Variants in PPM1N observed in about 807,000 individuals in gnomAD.
PPM1N encodes the protein probable protein phosphatase 1N.
In PPM1N, 35 loss-of-function variants were observed where a neutral mutation model predicts 32.6. The observed-to-expected ratio is 1.07, with a 90% CI of 0.82 to 1.43. PPM1N has a LOEUF of 1.43. PPM1N is among the 40% of genes most tolerant of loss of function. The pLI is 0.00. For missense variants in PPM1N, 648 were observed against 606.6 expected, an observed-to-expected ratio of 1.07 and a Z score of -0.72; for synonymous variants, 275 against 270.5, an observed-to-expected ratio of 1.02 and a Z score of -0.16.
At chr19:45,501,539 C>T (rs1968414057) in intron 4 of PPM1N, among the ~76,000 whole-genome samples, 1 of 151,952 alleles carries the variant, frequency 6.6e-6, no homozygotes, top group African/African-American at 2.4e-5. Flanking sequence ...GATGGAAGCC[C>T]AATTCAAGCT....
Position 45,499,404 on chromosome 19 carries a change from T to A in PPM1N, c.932T>A (p.Leu311Gln). Residue 311 changes from leucine (L) to glutamine (Q), a missense_variant, in exon 1 of 5, where the codon CTG (leucine) becomes CAG (glutamine). Leu to Gln is a moderately radical substitution (Grantham distance 113). Transcript: ENST00000451287. The part of the protein sequence containing the change: ...LLCAQLLDTC[L>Q]CKGSLDNMTC... ...TGCGCGCAGCTGTTGGACACGTGTCTGTGCAAGGTCCTGGGGGCGTGGCGT... is the reference window on the plus strand; with the variant it reads ...TGCGCGCAGCTGTTGGACACGTGTCAGTGCAAGGTCCTGGGGGCGTGGCGT... 1 of 1,602,786 alleles carries A rather than the reference T, an allele frequency of 6.2e-7. No individual in the cohort carries two copies. The highest frequency in any genetic ancestry group is 8.5e-7 in the Non-Finnish European group (1 of 1,175,096).
chr19:45,499,455 G>C, intron 1 of PPM1N, 44 bp downstream of exon 1: 1 of 1,599,114 alleles, frequency 6.3e-7, no homozygotes, highest in Non-Finnish European at 8.5e-7. Context: ...TGGTGCAGCA[G>C]AGGGAGAGAG....
Position 45,502,074 on chromosome 19 carries a change from A to T in PPM1N, c.1282A>T (p.Met428Leu). ...CACGCATTTGGGCTCAGCCTTGGAC[A>T]TGGAGGCCTGACAGCTGTTGTCCTT... ...NPTHLGSALD[M>L]EA Residue 428 changes from methionine to leucine, a missense_variant, in exon 5 of 5, where the codon ATG becomes TTG. By Grantham distance (15) the Met-to-Leu change is conservative. Transcript: ENST00000451287. The T allele has an allele frequency of 6.3e-7, 1 of 1,580,912 alleles. No homozygotes were observed. Among genetic ancestry groups the T allele is most frequent in the East Asian group, 2.4e-5 (1 of 41,396 alleles).
chr19:45,499,286 G>C lies in PPM1N; in HGVS notation c.814G>C (p.Ala272Pro), dbSNP rs1428656122. ...GGCTGAGGACGAGTTCATGCTCCTG[G>C]CCTCTGATGGCGTCTGGGACACTGT... ...RQAEDEFMLL[A>P]SDGVWDTVSG... Residue 272 changes from alanine (A) to proline (P), a missense_variant, in exon 1 of 5, where the codon GCC becomes CCC. Transcript: ENST00000451287. 4 of 1,612,752 alleles carry C rather than the reference G, an allele frequency of 2.5e-6. No homozygotes were observed. In the South Asian group the frequency reaches 4.4e-5, roughly 18 times the overall value.
rs1360733747 is a variant in PPM1N, at chr19:45,502,040, G to C, written c.1248G>C (p.Lys416Asn). Reference protein sequence around the residue: ...CGEKGQDGAGKSNPTHLGSAL... With the variant: ...CGEKGQDGAGNSNPTHLGSAL... The stretch of plus-strand genomic sequence containing the variant: ...AGAAGGGGCAGGATGGGGCTGGGAA[G>C]TCCAACCCCACGCATTTGGGCTCAG... The change falls in exon 5 of 5, where the codon AAG becomes AAC. Residue 416 changes from lysine to asparagine, a missense_variant. Physicochemically the swap from Lys to Asn is moderately conservative, Grantham distance 94. Coordinates refer to ENST00000451287, the MANE Select transcript of PPM1N (RefSeq NM_001080401.2). The C allele has an allele frequency of 6.5e-7, 1 of 1,541,160 alleles. No individual in the cohort carries two copies. The highest frequency in any genetic ancestry group is 8.7e-7 in the Non-Finnish European group (1 of 1,152,588).
intron 3 of PPM1N, 26 bp downstream of exon 3, chr19:45,500,587 G>A (rs750479116): frequency 8.2e-6 from 13 of 1,589,218 alleles, no homozygotes; most frequent in East Asian, 6.8e-5. Flanking sequence ...GAAGGGTGGG[G>A]TGGAATGAGG....
chr19:45,498,591 A>C lies in PPM1N; in HGVS notation c.119A>C (p.Glu40Ala), dbSNP rs1968344413. The change falls in exon 1 of 5, where the codon GAA (glutamate) becomes GCA (alanine). Residue 40 changes from glutamate (E) to alanine (A), a missense_variant. Coordinates refer to ENST00000451287, the MANE Select transcript of PPM1N (RefSeq NM_001080401.2). The stretch of plus-strand genomic sequence containing the variant: ...GAGGAGGCGGGGCGCAGGGCCCCCG[A>C]AGGGCCTCGGTCTCTGTTGACAGCG... ...EEEEAGRRAP[E>A]GPRSLLTAPR... The C allele has an allele frequency of 6.9e-7, 1 of 1,459,280 alleles. No homozygotes were observed. The highest frequency in any genetic ancestry group is 9.0e-7 in the Non-Finnish European group (1 of 1,110,504). 90.4% of individuals were successfully genotyped at this position (1,459,280 alleles called of 1,614,324 possible). A position where few individuals can be genotyped will look rare whatever the true frequency, so the allele number is the denominator to read the frequency against.
Position 45,502,282 on chromosome 19 carries a change from A to G in PPM1N, c.*197A>G. On this transcript the variant is annotated 3_prime_UTR_variant, in exon 5 of 5. Coordinates refer to ENST00000451287, the MANE Select transcript of PPM1N (RefSeq NM_001080401.2). ...GAATGGGGAAATTCCACCAACATCC[A>G]GACCAAAAAGAAAAAAGCCCAAATC... is the stretch of plus-strand genomic sequence containing the variant. 3.0e-6 allele frequency: 1 copy of G among 329,850 alleles called. No homozygotes were observed. The highest frequency in any genetic ancestry group is 3.0e-5 in the South Asian group (1 of 32,952). 20.4% of individuals were successfully genotyped at this position (329,850 alleles called of 1,614,324 possible). A position where few individuals can be genotyped will look rare whatever the true frequency, so the allele number is the denominator to read the frequency against.
rs1486141557 is a variant in PPM1N at position 45,498,590 on chromosome 19, G to A, written c.118G>A (p.Glu40Lys). Residue 40 changes from glutamate (E) to lysine (K), a missense_variant, in exon 1 of 5, where the codon GAA (glutamate) becomes AAA (lysine). Physicochemically the swap from Glu to Lys is moderately conservative, Grantham distance 56. Transcript: ENST00000451287. ...EEEEAGRRAP[E>K]GPRSLLTAPR... is the part of the protein sequence containing the mutation. ...GGAGGAGGCGGGGCGCAGGGCCCCC[G>A]AAGGGCCTCGGTCTCTGTTGACAGC... is the stretch of plus-strand genomic sequence containing the variant. The A allele has an allele frequency of 2.7e-6, 4 of 1,459,474 alleles. No individual in the cohort carries two copies. The highest frequency in any genetic ancestry group is 3.0e-5 in the African/African-American group (2 of 67,496). 90.4% of individuals were successfully genotyped at this position (1,459,474 alleles called of 1,614,324 possible).
rs931213459 is a variant in PPM1N at position 45,498,662 on chromosome 19, G to C, written c.190G>C (p.Gly64Arg). The C allele has an allele frequency of 4.2e-6, 6 of 1,434,926 alleles. No homozygotes were observed. The African/African-American group carries it at 4.5e-5, about 11-fold the overall frequency. The allele number at this position is 1,434,926 out of a possible 1,614,324, so 88.9% of individuals were successfully genotyped here. A position where few individuals can be genotyped will look rare whatever the true frequency, so the allele number is the denominator to read the frequency against. The change falls in exon 1 of 5, where the codon GGC becomes CGC. Residue 64 changes from glycine (G) to arginine (R), a missense_variant. By Grantham distance (125) the Gly-to-Arg change is moderately radical. Transcript: ENST00000451287. ...RPHGGAEASG[G>R]LRFGASAAQG... The stretch of plus-strand genomic sequence containing the variant: ...GCACGGGGGTGCCGAGGCGTCTGGG[G>C]GCCTGCGCTTCGGGGCGAGCGCAGC...
chr19:45,500,761 G>T, intron 4 of PPM1N, 51 bp downstream of exon 4: 2 of 1,211,702 alleles, frequency 1.7e-6, no homozygotes, highest in South Asian at 3.1e-5. Flanking sequence ...ACGCCCCCCC[G>T]CCCACCCCTC....
In PPM1N at chr19:45,498,627, C is replaced by T. The variant is rs1246235214; in HGVS notation, c.155C>T (p.Ala52Val). ...PRSLLTAPRR[A>V]QRPHGGAEAS... is the part of the protein sequence containing the mutation. ...TCTCTGTTGACAGCGCCGCGCCGCG[C>T]CCAGCGGCCGCACGGGGGTGCCGAG... The change falls in exon 1 of 5, where the codon GCC becomes GTC. Residue 52 changes from alanine (A) to valine (V), a missense_variant. By Grantham distance (64) the Ala-to-Val change is moderately conservative. Transcript: ENST00000451287. The T allele has an allele frequency of 2.8e-6, 4 of 1,414,788 alleles. No individual in the cohort carries two copies. In the African/African-American group the frequency reaches 4.6e-5, roughly 16 times the overall value. 87.6% of individuals were successfully genotyped at this position (1,414,788 alleles called of 1,614,324 possible).
intron 2 of PPM1N, 38 bp from the exon 3 acceptor site, chr19:45,500,418 C>T (rs945298544): frequency 5.9e-6 from 9 of 1,535,872 alleles, no homozygotes; most frequent in East Asian, 2.4e-5. Flanking sequence ...TACAGGCGTG[C>T]GCCACTGTGC....
rs1421549584 is a variant in PPM1N, at chr19:45,498,696, GGC to G, written c.233_234del (p.Arg78HisfsTer53). 1.3e-6 allele frequency: 2 copies of G among 1,492,062 alleles called. No homozygotes were observed. The highest frequency in any genetic ancestry group is 1.8e-6 in the Non-Finnish European group (2 of 1,123,402). 92.4% of individuals were successfully genotyped at this position (1,492,062 alleles called of 1,614,324 possible). A position where few individuals can be genotyped will look rare whatever the true frequency, so the allele number is the denominator to read the frequency against. On this transcript the variant is annotated frameshift_variant, in exon 1 of 5. Coordinates refer to ENST00000451287, the MANE Select transcript of PPM1N (RefSeq NM_001080401.2). LOFTEE classifies it high-confidence loss of function. The stretch of plus-strand genomic sequence containing the variant: ...TTCGGGGCGAGCGCAGCGCAAGGCT[GGC>G]GCGCGCGCATGGAGGATGCTCACTG...
At chr19:45,500,764 C>T in intron 4 of PPM1N, 54 bp downstream of exon 4, 1 of 1,417,628 alleles carries the variant, frequency 7.1e-7, no homozygotes. Context: ...CCCCCCCGCC[C>T]ACCCCTCTTA....
intron 1 of PPM1N, 111 bp downstream of exon 1, chr19:45,499,522 G>A: frequency 6.4e-7 from 1 of 1,555,826 alleles, no homozygotes; most frequent in Non-Finnish European, 8.7e-7. Context: ...AGCTAGCAAA[G>A]GAGGGGATAG....
Position 45,499,941 on chromosome 19 carries a change from G to T in PPM1N, c.940-8G>T. The T allele has an allele frequency of 6.4e-7, 1 of 1,568,070 alleles. No homozygotes were observed. Among genetic ancestry groups the T allele is most frequent in the Non-Finnish European group, 8.7e-7 (1 of 1,155,520 alleles). On this transcript the variant is annotated splice_region_variant and splice_polypyrimidine_tract_variant and intron_variant, in intron 1 of 4. Transcript: ENST00000451287. ...CCCACCGGGCTCCTTTTTCTCCACC[G>T]GCTTCAGGGCAGCCTGGACAACATG...
At chr19:45,500,415 G>C (rs747712907) in intron 2 of PPM1N, 41 bp from the exon 3 acceptor site, 23 of 1,534,086 alleles carry the variant, frequency 1.5e-5, no homozygotes, top group Non-Finnish European at 2.0e-5. Context: ...GATTACAGGC[G>C]TGCGCCACTG....
In PPM1N at chr19:45,498,831, G is replaced by A. The variant is rs775753548; in HGVS notation, c.359G>A (p.Gly120Asp). 2 of 1,541,730 alleles carry A rather than the reference G, an allele frequency of 1.3e-6. No individual in the cohort carries two copies. Among genetic ancestry groups the A allele is most frequent in the African/African-American group, 1.4e-5 (1 of 70,912 alleles). The change falls in exon 1 of 5, where the codon GGC becomes GAC. Residue 120 changes from glycine to aspartate, a missense_variant. Physicochemically the swap from Gly to Asp is moderately conservative, Grantham distance 94. Coordinates refer to ENST00000451287, the MANE Select transcript of PPM1N (RefSeq NM_001080401.2). ...CGCTTCGGTGCACGCCATTTGCCAG[G>A]CCATGTGCTCCAGGAGCTGGGCCCG... ...AARFGARHLPGHVLQELGPEP... is the reference protein window; with the variant it reads ...AARFGARHLPDHVLQELGPEP...
Sources: gnomAD v4.1 joint callset for allele counts (sites outside exome capture counted in the v4.1 genomes callset) on GRCh38, gnomAD v4.1.1 for gene constraint, MANE v1.5 for transcripts, NCBI Gene and HGNC (gene_info 2026-07-23, HGNC 2026-07-21) for gene names.